Variants in FSTL4 observed in about 807,000 individuals in gnomAD.
FSTL4 encodes the protein follistatin like 4.
Under a neutral mutation model 78.2 loss-of-function variants are expected in FSTL4, and 28 were observed. That is an observed-to-expected ratio of 0.36 (90% CI 0.27 to 0.49). FSTL4 has a LOEUF of 0.49. Among genes scored for constraint, FSTL4 ranks in the 20% least tolerant of loss-of-function variants. FSTL4 has a pLI of 0.98. For synonymous variants in FSTL4, 422 were observed against 440.5 expected, an observed-to-expected ratio of 0.96 and a Z score of 0.53; for missense variants, 922 against 1,084.9, an observed-to-expected ratio of 0.85 and a Z score of 2.11.
the FSTL4 span, among the ~76,000 whole-genome samples, chr5:133,682,453 A>G: frequency 2.6e-5 from 4 of 152,250 alleles, no homozygotes; most frequent in Non-Finnish European, 5.9e-5. Context: ...CCCAGTGGGT[A>G]TGGAAAGGAC....
chr5:133,321,229 C>A (rs374547557), intron 4 of FSTL4, among the ~76,000 whole-genome samples: 45 of 152,248 alleles, frequency 3.0e-4, no homozygotes, highest in African/African-American at 9.9e-4. Context: ...TTGACTATCC[C>A]CCTGGCTGGA....
chr5:133,241,661 T>C (rs189594227), intron 7 of FSTL4, among the ~76,000 whole-genome samples: 5 of 152,290 alleles, frequency 3.3e-5, no homozygotes, highest in Non-Finnish European at 5.9e-5. Flanking sequence ...CTAATTAGCT[T>C]GGCATCCCCA....
At chr5:133,511,716 T>C (rs1470276917) in intron 3 of FSTL4, among the ~76,000 whole-genome samples, 2 of 152,154 alleles carry the variant, frequency 1.3e-5, no homozygotes, top group African/African-American at 2.4e-5. Flanking sequence ...AAATGAGGTA[T>C]GCCAGGAACC....
chr5:133,628,423 A>G, the FSTL4 span, among the ~76,000 whole-genome samples: 2 of 150,494 alleles, frequency 1.3e-5, no homozygotes, highest in Non-Finnish European at 2.9e-5. Context: ...GCAATGGCAT[A>G]ATCTCAGCTC....
intron 4 of FSTL4, among the ~76,000 whole-genome samples, chr5:133,318,887 C>T (rs1385149129): frequency 6.6e-6 from 1 of 152,224 alleles, no homozygotes; most frequent in Non-Finnish European, 1.5e-5. Context: ...CCTCTTATTT[C>T]GTCTCAGGAC....
At chr5:133,533,059 G>A (rs956268428) in intron 3 of FSTL4, among the ~76,000 whole-genome samples, 9 of 152,172 alleles carry the variant, frequency 5.9e-5, no homozygotes, top group African/African-American at 1.4e-4. Context: ...TGGATTCTAC[G>A]AGTTTATGCA....
the FSTL4 span, among the ~76,000 whole-genome samples, chr5:133,712,771 A>G: frequency 6.6e-6 from 1 of 152,242 alleles, no homozygotes; most frequent in Non-Finnish European, 1.5e-5. Context: ...CTTAAGGGCC[A>G]GGATTCCCAA....
Position 133,567,169 on chromosome 5 carries a change from G to C in FSTL4, c.160+17C>G, listed in dbSNP as rs1007170166. ...TCAACACTGAAAATAAAATGGGTAT[G>C]AGTGCATTTTTCCTACCTTCTCTTC... On this transcript the variant is annotated intron_variant, in intron 3 of 15. Coordinates refer to ENST00000265342, the MANE Select transcript of FSTL4 (RefSeq NM_015082.2). 5 of 1,564,234 alleles carry C rather than the reference G, an allele frequency of 3.2e-6. No individual in the cohort carries two copies. In the African/African-American group the frequency reaches 4.1e-5, roughly 13 times the overall value.
chr5:133,804,713 G>A, the FSTL4 span, among the ~76,000 whole-genome samples: 1 of 151,748 alleles, frequency 6.6e-6, no homozygotes, highest in Admixed American at 6.6e-5. Flanking sequence ...GTTGGGCCGA[G>A]GCAGGTGTAT....
In FSTL4 at chr5:133,463,986, C is replaced by T. The variant is rs909137722; in HGVS notation, c.161-63000G>A. 7.2e-5 allele frequency among the ~76,000 whole-genome samples: 11 copies of T among 152,306 alleles called. No individual in the cohort carries two copies. The South Asian group carries it at 1.9e-3, about 26-fold the overall frequency. On this transcript the variant is annotated intron_variant, in intron 3 of 15. Transcript: ENST00000265342. ...CCAAACTATTCTTCCATGTCAGTAT[C>T]GATTCATTGTTTTGAATTCAGTCTC... is the stretch of plus-strand genomic sequence containing the variant.
At chr5:133,606,461 C>T (rs1420077887) in intron 1 of FSTL4, among the ~76,000 whole-genome samples, 3 of 152,184 alleles carry the variant, frequency 2.0e-5, no homozygotes, top group African/African-American at 4.8e-5. Context: ...AGGTAACTCC[C>T]TATTCTCCAT....
chr5:133,426,569 TG>T lies in FSTL4; in HGVS notation c.161-25584del, dbSNP rs771662853. ...CAGCAGAGGAAACTGAACTGTACCGTGGGTTGGGGAATGATCAATGCCGGCA... is the reference window on the plus strand; with the variant it reads ...CAGCAGAGGAAACTGAACTGTACCGTGGTTGGGGAATGATCAATGCCGGCA... On this transcript the variant is annotated intron_variant, in intron 3 of 15. Transcript: ENST00000265342. The surrounding 1 kb of genome is among the most constrained non-coding windows in gnomAD (Gnocchi z 5.0). Among the ~76,000 whole-genome samples, 1 of 151,948 alleles carries T rather than the reference TG, an allele frequency of 6.6e-6. No homozygotes were observed. Among genetic ancestry groups the T allele is most frequent in the Non-Finnish European group, 1.5e-5 (1 of 67,958 alleles).
intron 12 of FSTL4, 102 bp from the exon 13 acceptor site, chr5:133,217,480 T>G: frequency 9.3e-7 from 1 of 1,078,420 alleles, no homozygotes; most frequent in Non-Finnish European, 1.3e-6. Flanking sequence ...TTTCTTCCTC[T>G]CTCTTAGAAT....
At chr5:133,811,821 C>T in the FSTL4 span, among the ~76,000 whole-genome samples, 1 of 152,206 alleles carries the variant, frequency 6.6e-6, no homozygotes, top group South Asian at 2.1e-4. Context: ...GTGCCCATGG[C>T]TTCCTTGTTT....
At chr5:133,687,786 T>C in the FSTL4 span, among the ~76,000 whole-genome samples, 9 of 152,192 alleles carry the variant, frequency 5.9e-5, no homozygotes, top group Admixed American at 5.9e-4. Context: ...AAGAGAGACG[T>C]CTATTTCTCT....
the FSTL4 span, among the ~76,000 whole-genome samples, chr5:133,661,781 C>T: frequency 9.9e-5 from 15 of 152,192 alleles, no homozygotes; most frequent in South Asian, 2.1e-4. Context: ...AAAGATAACT[C>T]TGTAATTAAG....
chr5:133,661,151 T>C, the FSTL4 span, among the ~76,000 whole-genome samples: 102,689 of 152,116 alleles, frequency 0.68, 36,016 homozygotes, highest in African/African-American at 0.88. Flanking sequence ...CCATCATGCC[T>C]GGCTAATTTT....
chr5:133,571,642 A>G lies in FSTL4; in HGVS notation c.127-4423T>C, dbSNP rs1005221392. ...ATGCACCAAAATCTCCGAAATCACC[A>G]CTAAAAACCTGTAACCAAACACCAC... On this transcript the variant is annotated intron_variant, in intron 2 of 15. Transcript: ENST00000265342. Among the ~76,000 whole-genome samples the G allele has an allele frequency of 3.0e-4, 46 of 152,366 alleles. No individual in the cohort carries two copies. In the East Asian group the frequency reaches 3.7e-3, roughly 12 times the overall value.
intron 2 of FSTL4, among the ~76,000 whole-genome samples, chr5:133,600,323 T>G (rs747532566): frequency 6.6e-6 from 1 of 152,064 alleles, no homozygotes; most frequent in Non-Finnish European, 1.5e-5. Flanking sequence ...GTAGGATAGG[T>G]GTATGAAATA....
Sources: allele counts gnomAD v4.1 joint callset (sites outside exome capture counted in the v4.1 genomes callset), GRCh38; gene constraint gnomAD v4.1.1; non-coding constraint Gnocchi (gnomAD v3.1); transcripts MANE v1.5; gene names NCBI Gene and HGNC (gene_info 2026-07-23, HGNC 2026-07-21).